Variants in SCN11A observed in about 807,000 individuals in gnomAD.
SCN11A encodes the protein sodium voltage-gated channel alpha subunit 11.
A neutral mutation model predicts 162.2 loss-of-function variants in SCN11A; 122 were observed. The observed-to-expected ratio is 0.75, with a 90% CI of 0.65 to 0.87. The LOEUF is 0.87. Ranked by LOEUF, SCN11A falls within the 40% of genes least tolerant of loss-of-function variation. The pLI is 0.00. For missense variants in SCN11A, 2,015 were observed against 2,181.6 expected (o/e 0.92, Z 1.52); for synonymous variants, 758 against 751.5 (o/e 1.01, Z -0.14).
At chr3:38,986,769 CA>C (rs980747877) in intron 2 of SCN11A, among the ~76,000 whole-genome samples, 24 of 152,078 alleles carry the variant, frequency 1.6e-4, no homozygotes, top group Admixed American at 9.2e-4. Context: ...AATACTGATA[CA>C]ACCAAGTGGA....
intron 1 of SCN11A, among the ~76,000 whole-genome samples, chr3:39,050,535 G>C (rs1289245997): frequency 6.6e-6 from 1 of 152,160 alleles, no homozygotes; most frequent in Non-Finnish European, 1.5e-5. Context: ...TGCCAGTTTT[G>C]CTTAAGAAGC....
In SCN11A at chr3:38,867,287, A is replaced by G. The variant is rs369845614; in HGVS notation, c.3951+34T>C. On this transcript the variant is annotated intron_variant, in intron 27 of 29. Coordinates refer to ENST00000302328, the MANE Select transcript of SCN11A (RefSeq NM_001349253.2). ...GTTAATGCATTTGGAGGACAGAGATAAAATTACCAAATCAAGACAACCCAG... is the reference window on the plus strand; with the variant it reads ...GTTAATGCATTTGGAGGACAGAGATGAAATTACCAAATCAAGACAACCCAG... 1.9e-6 allele frequency: 3 copies of G among 1,594,894 alleles called. No homozygotes were observed. In the African/African-American group the frequency reaches 4.1e-5, roughly 22 times the overall value.
chr3:38,907,915 A>C (rs368421385), intron 14 of SCN11A, 34 bp downstream of exon 14: 1 of 1,562,178 alleles, frequency 6.4e-7, no homozygotes, highest in Non-Finnish European at 8.7e-7. Flanking sequence ...CTGGACAGCA[A>C]TATGGTATCA....
At position 38,872,246 on chromosome 3, in the gene SCN11A, T is replaced by C; in HGVS notation, c.3442A>G (p.Thr1148Ala). The change falls in exon 24 of 30, where the codon ACT becomes GCT. Residue 1148 changes from threonine to alanine, a missense_variant. Physicochemically the swap from Thr to Ala is moderately conservative, Grantham distance 58. Transcript: ENST00000302328. ...INLMELKSFR[T>A]LRALRPLRAL... ...CGAAGAGGCCTCAGTGCTCGTAGAG[T>C]CCGGAAGGACTTCAATTCCATTAAG... is the stretch of plus-strand genomic sequence containing the variant. 1.2e-6 allele frequency: 2 copies of C among 1,611,282 alleles called. No individual in the cohort carries two copies. Among genetic ancestry groups the C allele is most frequent in the Non-Finnish European group, 1.7e-6 (2 of 1,177,746 alleles).
intron 27 of SCN11A, among the ~76,000 whole-genome samples, chr3:38,865,500 G>A (rs2065026433): frequency 6.6e-6 from 1 of 152,074 alleles, no homozygotes; most frequent in Non-Finnish European, 1.5e-5. Context: ...TGAATTATGA[G>A]AGTCCAGAGG....
chr3:38,910,265 T>A, intron 11 of SCN11A, 58 bp from the exon 12 acceptor site: 1 of 1,537,436 alleles, frequency 6.5e-7, no homozygotes, highest in Non-Finnish European at 8.8e-7. Flanking sequence ...AGCTTCTTTT[T>A]CCTTCCAACG....
intron 19 of SCN11A, among the ~76,000 whole-genome samples, chr3:38,887,791 A>C (rs1410346124): frequency 6.6e-6 from 1 of 152,180 alleles, no homozygotes; most frequent in South Asian, 2.1e-4. Context: ...TGCTGGTTAC[A>C]GTCACATCTT....
intron 2 of SCN11A, among the ~76,000 whole-genome samples, chr3:39,012,591 CTGCCT>C (rs2031177999): frequency 6.6e-6 from 1 of 151,620 alleles, no homozygotes; most frequent in Non-Finnish European, 1.5e-5. Context: ...AGCAATTCTC[CTGCCT>C]CAGCCTCCCA....
intron 7 of SCN11A, among the ~76,000 whole-genome samples, chr3:38,939,260 T>C (rs2066404043): frequency 6.6e-6 from 1 of 151,834 alleles, no homozygotes; most frequent in Non-Finnish European, 1.5e-5. Context: ...TTAAGACAAA[T>C]AGAATTTAAG....
At chr3:38,869,657 A>C (rs371657656) in intron 26 of SCN11A, among the ~76,000 whole-genome samples, 2 of 152,202 alleles carry the variant, frequency 1.3e-5, no homozygotes, top group South Asian at 2.1e-4. Context: ...CGGTGCTGCT[A>C]TAACACTAAT....
intron 2 of SCN11A, among the ~76,000 whole-genome samples, chr3:39,000,494 C>T (rs1363944018): frequency 6.6e-6 from 1 of 152,198 alleles, no homozygotes; most frequent in Non-Finnish European, 1.5e-5. Flanking sequence ...CAAATATACC[C>T]TCTAGAAGGG....
At chr3:38,906,380 G>A (rs554376888) in intron 14 of SCN11A, among the ~76,000 whole-genome samples, 3 of 151,824 alleles carry the variant, frequency 2.0e-5, no homozygotes, top group Admixed American at 6.6e-5. Context: ...TGCACATCAC[G>A]CTGCCTAATC....
At chr3:38,988,661 G>A (rs1271938906) in intron 2 of SCN11A, among the ~76,000 whole-genome samples, 6 of 152,116 alleles carry the variant, frequency 3.9e-5, no homozygotes, top group African/African-American at 1.2e-4. Context: ...TAACAACTCC[G>A]TTCAGAGTGT....
intron 1 of SCN11A, among the ~76,000 whole-genome samples, chr3:39,033,006 G>A (rs1431033012): frequency 6.6e-6 from 1 of 152,102 alleles, no homozygotes; most frequent in African/African-American, 2.4e-5. Flanking sequence ...ACAAAAATTA[G>A]CCAAGCTATG....
chr3:38,977,299 A>T (rs2066855394), intron 2 of SCN11A, among the ~76,000 whole-genome samples: 1 of 151,964 alleles, frequency 6.6e-6, no homozygotes, highest in Non-Finnish European at 1.5e-5. Flanking sequence ...CTCCCGCTCC[A>T]CTGGCCCTGT....
chr3:38,985,125 T>C (rs1376751277), intron 2 of SCN11A, among the ~76,000 whole-genome samples: 1 of 140,056 alleles, frequency 7.1e-6, no homozygotes, highest in Admixed American at 6.9e-5. Context: ...TCTGGCTGGC[T>C]GTCTTTTTTT....
At chr3:38,874,383 A>AG (rs2065176255) in intron 23 of SCN11A, among the ~76,000 whole-genome samples, 1 of 152,148 alleles carries the variant, frequency 6.6e-6, no homozygotes, top group African/African-American at 2.4e-5. Flanking sequence ...AGATAGCTTG[A>AG]GCTCAGGAGT....
At chr3:38,906,080 A>G (rs2065787961) in intron 14 of SCN11A, among the ~76,000 whole-genome samples, 1 of 152,194 alleles carries the variant, frequency 6.6e-6, no homozygotes, top group Non-Finnish European at 1.5e-5. Context: ...CCCTATTACT[A>G]CAGCAGAGAA....
chr3:38,920,924 A>C, intron 10 of SCN11A, 152 bp downstream of exon 10: 1 of 707,136 alleles, frequency 1.4e-6, no homozygotes, highest in Non-Finnish European at 2.4e-6. Context: ...TTCTCTAGGA[A>C]ATGCATCTGC....
Sources: gnomAD v4.1 joint callset for allele counts (sites outside exome capture counted in the v4.1 genomes callset) on GRCh38, gnomAD v4.1.1 for gene constraint, MANE v1.5 for transcripts, NCBI Gene and HGNC (gene_info 2026-07-23, HGNC 2026-07-21) for gene names.